PCF11: variants seen among roughly 807,000 people sequenced by gnomAD.
PCF11 encodes PCF11 cleavage and polyadenylation factor subunit.
PCF11 carries 19 observed loss-of-function variants against 166.1 expected under a neutral mutation model. The ratio of observed to expected loss-of-function variants is 0.11; its 90% CI spans 0.08 to 0.17. The LOEUF is 0.17. PCF11 is among the 10% of genes least tolerant of loss of function. PCF11 has a pLI of 1.00. For missense variants in PCF11, 1,565 were observed against 1,855.5 expected, an observed-to-expected ratio of 0.84 and a Z score of 2.88; for synonymous variants, 663 against 644.1, an observed-to-expected ratio of 1.03 and a Z score of -0.44.
intron 11 of PCF11, among the ~76,000 whole-genome samples, chr11:83,178,745 G>A (rs1004445591): frequency 6.6e-6 from 1 of 151,842 alleles, no homozygotes; most frequent in Non-Finnish European, 1.5e-5. Context: ...CCCGGGAGGC[G>A]GAGCTTGCAG....
At chr11:83,160,522 T>C (rs1860205354) in intron 1 of PCF11, among the ~76,000 whole-genome samples, 1 of 151,914 alleles carries the variant, frequency 6.6e-6, no homozygotes, top group South Asian at 2.1e-4. Flanking sequence ...GCAACATTTC[T>C]TTACTTTGGA....
chr11:83,177,700 C>T lies in PCF11; in HGVS notation c.3878-14C>T. On this transcript the variant is annotated splice_polypyrimidine_tract_variant and intron_variant, in intron 10 of 15. Coordinates refer to ENST00000298281, the Ensembl canonical transcript of PCF11. ...ATGGTATTAAGAAATTTGTATGTCTCTTCTTAATTGAAGAAGTAAGTGAAG... is the reference window on the plus strand; with the variant it reads ...ATGGTATTAAGAAATTTGTATGTCTTTTCTTAATTGAAGAAGTAAGTGAAG... 1 of 1,377,496 alleles carries T rather than the reference C, an allele frequency of 7.3e-7. No homozygotes were observed. The highest frequency in any genetic ancestry group is 1.0e-6 in the Non-Finnish European group (1 of 995,236). 85.3% of individuals were successfully genotyped at this position (1,377,496 alleles called of 1,614,324 possible).
chr11:83,161,239 G>T, intron 1 of PCF11, 88 bp from the exon 2 acceptor site: 2 of 984,074 alleles, frequency 2.0e-6, no homozygotes, highest in Non-Finnish European at 3.0e-6. Flanking sequence ...AAAAATAGAG[G>T]TCTGTATTGT....
In PCF11 at chr11:83,157,887, C is replaced by G. The variant is rs112177345; in HGVS notation, c.192+256C>G. On this transcript the variant is annotated intron_variant, in intron 1 of 15. Transcript: ENST00000298281. ...CTTTTTAGGCCACCGCATTGTATAT[C>G]CCGACACACACACGCTTTGAATAGA... The G allele has an allele frequency of 9.8e-4, 509 of 521,582 alleles. 5 individuals carry two copies. The highest frequency in any genetic ancestry group is 8.1e-3 in the African/African-American group (426 of 52,664). 32.3% of individuals were successfully genotyped at this position (521,582 alleles called of 1,614,324 possible). A position where few individuals can be genotyped will look rare whatever the true frequency, so the allele number is the denominator to read the frequency against.
exon 5 of PCF11, chr11:83,165,711 G>A: frequency 6.2e-7 from 1 of 1,613,728 alleles, no homozygotes; most frequent in Non-Finnish European, 8.5e-7. Flanking sequence ...TCCTCATCAG[G>A]TTCCTGTGCA....
At position 83,167,925 on chromosome 11, in the gene PCF11, C is replaced by T. The variant is rs184402570; in HGVS notation, c.2092+420C>T. 735 of 1,277,832 alleles carry T rather than the reference C, an allele frequency of 5.8e-4. 2 individuals carry two copies. In the African/African-American group the frequency reaches 0.01, roughly 18 times the overall value. The allele number at this position is 1,277,832 out of a possible 1,614,324, so 79.2% of individuals were successfully genotyped here. A position where few individuals can be genotyped will look rare whatever the true frequency, so the allele number is the denominator to read the frequency against. ...TAGAAAAAGTTAAATCAGATTATGC[C>T]TATTGAATCACACAGCAGTGAAGGG... On this transcript the variant is annotated intron_variant, in intron 7 of 15. Transcript: ENST00000298281. This position sits in a 1 kb window ranked among gnomAD's most constrained non-coding sequence, Gnocchi z 4.2.
exon 16 of PCF11, chr11:83,184,688 T>G: frequency 6.2e-7 from 1 of 1,609,984 alleles, no homozygotes; most frequent in Non-Finnish European, 8.5e-7. Flanking sequence ...GACATCTTCA[T>G]TTGATTGTAC....
chr11:83,171,059 G>C (rs1860671791), intron 8 of PCF11, among the ~76,000 whole-genome samples: 1 of 152,174 alleles, frequency 6.6e-6, no homozygotes, highest in African/African-American at 2.4e-5. Context: ...AAGTCCACAT[G>C]TATACTGAAC....
rs751584722 is a variant in PCF11, at chr11:83,167,147, A to G, written c.1840A>G (p.Ser614Gly). 1.2e-6 allele frequency: 2 copies of G among 1,613,162 alleles called. No individual in the cohort carries two copies. The highest frequency in any genetic ancestry group is 1.7e-6 in the Non-Finnish European group (2 of 1,179,332). The change falls in exon 6 of 16, where the codon AGT (serine) becomes GGT (glycine). Residue 614 changes from serine (S) to glycine (G), a missense_variant. This residue lies in a region of PCF11 where 468 missense variants were observed against 483.4 expected (regional missense o/e 0.97). Transcript: ENST00000298281. The surrounding 1 kb of genome is among the most constrained non-coding windows in gnomAD (Gnocchi z 4.2). The stretch of plus-strand genomic sequence containing the variant: ...CAGCTTACAACAGGTTGATGAACAT[A>G]GTAAACCTCCTCATCTGAGGCATAG...
At chr11:83,183,899 C>G (rs1861172739) in intron 15 of PCF11, among the ~76,000 whole-genome samples, 1 of 151,570 alleles carries the variant, frequency 6.6e-6, no homozygotes, top group Admixed American at 6.6e-5. Flanking sequence ...GCCTGTAATC[C>G]CAGCACTTTT....
At chr11:83,177,500 G>A (rs531261270) in intron 10 of PCF11, among the ~76,000 whole-genome samples, 1 of 152,266 alleles carries the variant, frequency 6.6e-6, no homozygotes, top group Non-Finnish European at 1.5e-5. Context: ...TGAAATAAAT[G>A]ACTTTTATTA....
rs748115100 is a variant in PCF11, at chr11:83,169,916, A to G, written c.3581A>G (p.Asn1194Ser). 4.3e-6 allele frequency: 7 copies of G among 1,610,160 alleles called. No individual in the cohort carries two copies. In the African/African-American group the frequency reaches 8.0e-5, roughly 18 times the overall value. The change falls in exon 8 of 16, where the codon AAT (asparagine) becomes AGT (serine). Residue 1194 changes from asparagine to serine, a missense_variant. By Grantham distance (46) the Asn-to-Ser change is conservative. This residue lies in a region of PCF11 where 725 missense variants were observed against 749.3 expected (regional missense o/e 0.97). Transcript: ENST00000298281. ...TCTGGACACTATTTTGATGAAAAAAATCTTCAGAGTTCTCAATTTGGAAAC... is the reference window on the plus strand; with the variant it reads ...TCTGGACACTATTTTGATGAAAAAAGTCTTCAGAGTTCTCAATTTGGAAAC...
chr11:83,175,794 A>G (rs1215348703), intron 9 of PCF11, among the ~76,000 whole-genome samples: 1 of 152,204 alleles, frequency 6.6e-6, no homozygotes, highest in Non-Finnish European at 1.5e-5. Context: ...CAATTATTAG[A>G]ATAGTGCTTG....
intron 1 of PCF11, among the ~76,000 whole-genome samples, chr11:83,160,332 T>G (rs1167657067): frequency 6.8e-6 from 1 of 146,144 alleles, no homozygotes; most frequent in African/African-American, 2.6e-5. Flanking sequence ...TTTTTTTTTT[T>G]TTTTTTTTTT....
exon 8 of PCF11, chr11:83,169,130 G>T: frequency 6.2e-7 from 1 of 1,613,768 alleles, no homozygotes; most frequent in Non-Finnish European, 8.5e-7. Context: ...AGGTTTGATG[G>T]ACCTCATGGT....
At chr11:83,171,998 G>A in intron 9 of PCF11, 84 bp downstream of exon 9, 1 of 734,924 alleles carries the variant, frequency 1.4e-6, no homozygotes. Context: ...TTTAGGAAAT[G>A]ACAGTTTTGC....
chr11:83,184,702 A>G (rs769493243), exon 16 of PCF11: 8 of 1,611,812 alleles, frequency 5.0e-6, no homozygotes, highest in Non-Finnish European at 5.9e-6. Flanking sequence ...ATTGTACACC[A>G]TCTCCCAGCA....
chr11:83,177,213 G>T lies in PCF11; in HGVS notation c.3877+9G>T. 6.6e-7 allele frequency: 1 copy of T among 1,521,510 alleles called. No individual in the cohort carries two copies. The allele number at this position is 1,521,510 out of a possible 1,614,324, so 94.3% of individuals were successfully genotyped here. ...TGATTCAGCTACAACACGTAAGTGT[G>T]ATTTTATACTTAAATTTACACAAAG... is the stretch of plus-strand genomic sequence containing the variant. On this transcript the variant is annotated intron_variant, in intron 10 of 15. Coordinates refer to ENST00000298281, the Ensembl canonical transcript of PCF11.
exon 1 of PCF11, chr11:83,157,471 C>T: frequency 6.2e-7 from 1 of 1,612,512 alleles, no homozygotes. Flanking sequence ...GAGGCCGGTG[C>T]TGCGGGGGCC....
Sources: allele counts gnomAD v4.1 joint callset (sites outside exome capture counted in the v4.1 genomes callset), GRCh38; gene constraint gnomAD v4.1.1; regional missense constraint gnomAD v4.1.1; non-coding constraint Gnocchi (gnomAD v3.1); transcripts MANE v1.5; gene names NCBI Gene and HGNC (gene_info 2026-07-23, HGNC 2026-07-21).